Variants in MRTFB observed in about 807,000 individuals in gnomAD.
MRTFB encodes the protein myocardin-related transcription factor B.
Under a neutral mutation model 104.2 loss-of-function variants are expected in MRTFB, and 29 were observed. The ratio of observed to expected loss-of-function variants is 0.28; its 90% CI spans 0.21 to 0.38. The LOEUF (loss-of-function observed/expected upper bound fraction) is 0.38. Ranked by LOEUF, MRTFB falls within the 10% of genes least tolerant of loss-of-function variation. The pLI is 1.00. For missense variants in MRTFB, 1,270 were observed against 1,341.6 expected, an observed-to-expected ratio of 0.95 and a Z score of 0.83; for synonymous variants, 535 against 519.5, an observed-to-expected ratio of 1.03 and a Z score of -0.41.
intron 3 of MRTFB, among the ~76,000 whole-genome samples, chr16:14,173,227 A>T (rs2039479717): frequency 6.6e-6 from 1 of 152,038 alleles, no homozygotes; most frequent in Non-Finnish European, 1.5e-5. Context: ...GAACTTGAGT[A>T]TCAACTTGCC....
At chr16:14,085,891 T>C (rs2034676795) in intron 2 of MRTFB, among the ~76,000 whole-genome samples, 1 of 152,236 alleles carries the variant, frequency 6.6e-6, no homozygotes, top group African/African-American at 2.4e-5. Context: ...ATCCCATTTA[T>C]TTTCCAACTC....
intron 1 of MRTFB, among the ~76,000 whole-genome samples, chr16:14,073,036 G>C (rs533453587): frequency 1.3e-5 from 2 of 152,146 alleles, no homozygotes; most frequent in Non-Finnish European, 2.9e-5. Context: ...TACTACAATT[G>C]TATGTTAACG....
the MRTFB span, among the ~76,000 whole-genome samples, chr16:14,014,512 C>T: frequency 4.0e-5 from 6 of 151,222 alleles, no homozygotes; most frequent in South Asian, 2.1e-4. Context: ...GCAGTGATTG[C>T]GCCACTGCGC....
At chr16:14,053,455 GGGCACAGT>G in the MRTFB span, among the ~76,000 whole-genome samples, 1 of 152,016 alleles carries the variant, frequency 6.6e-6, no homozygotes, top group African/African-American at 2.4e-5. Flanking sequence ...AAATTAGGCT[GGGCACAGT>G]GGCTCACATC....
chr16:14,017,738 A>G, the MRTFB span, among the ~76,000 whole-genome samples: 30 of 56,308 alleles, frequency 5.3e-4, 1 homozygote, highest in African/African-American at 1.7e-3. Context: ...TTTTTTTGAG[A>G]CAGGGTCTCT....
intron 12 of MRTFB, chr16:14,247,764 A>G (rs920200572): frequency 6.4e-6 from 3 of 472,216 alleles, no homozygotes; most frequent in Non-Finnish European, 1.1e-5. Context: ...CCATGCAGAC[A>G]TTTTTTTACA....
At chr16:14,127,929 A>ATATATATATTT (rs1393344981) in intron 2 of MRTFB, among the ~76,000 whole-genome samples, 4 of 44,634 alleles carry the variant, frequency 9.0e-5, no homozygotes, top group Non-Finnish European at 9.9e-5. Flanking sequence ...ATATATATAT[A>ATATATATATTT]TTTTTTTTTT....
At chr16:14,118,393 C>T (rs1356686471) in intron 2 of MRTFB, among the ~76,000 whole-genome samples, 2 of 151,702 alleles carry the variant, frequency 1.3e-5, no homozygotes, top group Non-Finnish European at 2.9e-5. Context: ...CTGCCCGCCT[C>T]GGCCTCCCAA....
chr16:14,233,218 G>C lies in MRTFB; in HGVS notation c.694-928G>C, dbSNP rs141574279. Among the ~76,000 whole-genome samples the C allele has an allele frequency of 2.3e-3, 351 of 152,212 alleles. 2 individuals carry two copies. The highest frequency in any genetic ancestry group is 8.2e-3 in the African/African-American group (341 of 41,464). On this transcript the variant is annotated intron_variant, in intron 8 of 16. Transcript: ENST00000571589. Reference sequence around the variant, plus strand: ...AAAGTAGCTTCTTGTTTTAACTATGGAGAGATAATGTTGTCGGTAAAACAG... The same window carrying C: ...AAAGTAGCTTCTTGTTTTAACTATGCAGAGATAATGTTGTCGGTAAAACAG...
chr16:14,145,486 A>G (rs2050752460), intron 3 of MRTFB, among the ~76,000 whole-genome samples: 1 of 152,208 alleles, frequency 6.6e-6, no homozygotes, highest in African/African-American at 2.4e-5. Context: ...ATTCATATTC[A>G]TGTTACTGAT....
At chr16:14,003,554 A>C in the MRTFB span, among the ~76,000 whole-genome samples, 1 of 152,164 alleles carries the variant, frequency 6.6e-6, no homozygotes, top group East Asian at 1.9e-4. Flanking sequence ...CAGAGCATGC[A>C]CGTAGGTCCT....
intron 1 of MRTFB, among the ~76,000 whole-genome samples, chr16:14,076,068 T>C (rs1247994790): frequency 6.6e-6 from 1 of 152,094 alleles, no homozygotes; most frequent in African/African-American, 2.4e-5. Context: ...CAAATACTAA[T>C]ATACTATATA....
intron 16 of MRTFB, among the ~76,000 whole-genome samples, chr16:14,260,235 G>A (rs1403710961): frequency 1.3e-5 from 2 of 151,806 alleles, no homozygotes; most frequent in Admixed American, 1.3e-4. Flanking sequence ...AAAAGAAAAG[G>A]ATCAAAGGAA....
chr16:13,998,098 G>A, the MRTFB span, among the ~76,000 whole-genome samples: 1 of 152,230 alleles, frequency 6.6e-6, no homozygotes. Context: ...AGAAGCCTCT[G>A]AGGCGTGCAG....
At chr16:14,025,205 G>A in the MRTFB span, among the ~76,000 whole-genome samples, 3 of 152,158 alleles carry the variant, frequency 2.0e-5, no homozygotes, top group African/African-American at 7.2e-5. Flanking sequence ...TTTTGAGACA[G>A]GGTTTCACTT....
chr16:14,141,281 A>G (rs773643486), intron 3 of MRTFB: 1 of 152,744 alleles, frequency 6.5e-6, no homozygotes, highest in Non-Finnish European at 1.5e-5. Flanking sequence ...TACAAAATGA[A>G]TATTTTCTAT....
At chr16:14,113,646 C>T (rs2036390072) in intron 2 of MRTFB, among the ~76,000 whole-genome samples, 1 of 152,010 alleles carries the variant, frequency 6.6e-6, no homozygotes, top group South Asian at 2.1e-4. Flanking sequence ...AATTCCAGCT[C>T]CTAGCTCGAT....
chr16:14,189,277 G>GT (rs2040073376), intron 3 of MRTFB, among the ~76,000 whole-genome samples: 3 of 152,172 alleles, frequency 2.0e-5, no homozygotes, highest in Admixed American at 6.5e-5. Flanking sequence ...CCAAAATTCA[G>GT]TATGTCACTG....
chr16:14,246,449 T>C (rs1294146637), intron 11 of MRTFB, 24 bp from the exon 12 acceptor site: 2 of 1,608,672 alleles, frequency 1.2e-6, no homozygotes, highest in Admixed American at 1.7e-5. Flanking sequence ...AATACTAAGA[T>C]ATCTGCTTTG....
Sources: allele counts gnomAD v4.1 joint callset (sites outside exome capture counted in the v4.1 genomes callset), GRCh38; gene constraint gnomAD v4.1.1; transcripts MANE v1.5; gene names NCBI Gene and HGNC (gene_info 2026-07-23, HGNC 2026-07-21).